PFKP: variants seen among roughly 807,000 people sequenced by gnomAD.
The protein encoded by PFKP is phosphofructokinase, platelet.
In PFKP, 101 loss-of-function variants were observed where a neutral mutation model predicts 94.3. The ratio of observed to expected loss-of-function variants is 1.07; its 90% confidence interval spans 0.91 to 1.26. PFKP has a LOEUF of 1.26. Ranked by LOEUF, PFKP falls within the 50% of genes most tolerant of loss-of-function variation. PFKP has a pLI of 0.00. For synonymous variants in PFKP, 573 were observed against 432.6 expected (o/e 1.32, Z -4.03); for missense variants, 1,145 against 1,103.3 (o/e 1.04, Z -0.53).
intron 1 of PFKP, among the ~76,000 whole-genome samples, chr10:3,068,053 G>A (rs1022847779): frequency 1.3e-5 from 2 of 152,160 alleles, no homozygotes; most frequent in African/African-American, 4.8e-5. Context: ...TGTTTTAAAT[G>A]GAACCTGGCA....
intron 1 of PFKP, 90 bp downstream of exon 1, chr10:3,067,797 A>C: frequency 1.8e-5 from 7 of 394,150 alleles, no homozygotes; most frequent in Non-Finnish European, 2.0e-5. Flanking sequence ...CGGAGAGAAG[A>C]GGGGGGAAGC....
intron 19 of PFKP, among the ~76,000 whole-genome samples, chr10:3,133,871 T>C (rs1838894067): frequency 6.6e-6 from 1 of 150,470 alleles, no homozygotes; most frequent in South Asian, 2.1e-4. Flanking sequence ...GAAATGCTTA[T>C]TCAAATTAAA....
intron 16 of PFKP, among the ~76,000 whole-genome samples, chr10:3,126,052 C>T (rs563971346): frequency 6.6e-6 from 1 of 152,356 alleles, no homozygotes; most frequent in South Asian, 2.1e-4. Flanking sequence ...CTTTACCTTA[C>T]ATCTTGACGT....
At chr10:3,125,430 C>T (rs1378159317) in intron 16 of PFKP, among the ~76,000 whole-genome samples, 1 of 152,182 alleles carries the variant, frequency 6.6e-6, no homozygotes, top group Non-Finnish European at 1.5e-5. Flanking sequence ...TAGGGAGAGC[C>T]TGTCTTTATT....
intron 21 of PFKP, 49 bp from the exon 22 acceptor site, chr10:3,136,401 T>C: frequency 6.2e-7 from 1 of 1,600,176 alleles, no homozygotes; most frequent in Non-Finnish European, 8.6e-7. Flanking sequence ...CGGAGGCATC[T>C]CCCGCCAGTG....
At chr10:3,092,865 G>C (rs1412734764) in intron 2 of PFKP, among the ~76,000 whole-genome samples, 2 of 152,102 alleles carry the variant, frequency 1.3e-5, no homozygotes, top group African/African-American at 4.8e-5. Flanking sequence ...TCCCCTGTCT[G>C]AGGAAAGGGG....
chr10:3,081,830 TATATG>T lies in PFKP; in HGVS notation c.113-555_113-551del, dbSNP rs1361193335. On this transcript the variant is annotated intron_variant, in intron 1 of 21. Transcript: ENST00000381125. The stretch of plus-strand genomic sequence containing the variant: ...CATGATGATACATTGTAAACAGACT[TATATG>T]ATGATACATTGTATAACACTGTTCT... 6.6e-5 allele frequency among the ~76,000 whole-genome samples: 10 copies of T among 152,268 alleles called. 1 individual carries two copies. The South Asian group carries it at 1.9e-3, about 29-fold the overall frequency.
At position 3,113,464 on chromosome 10, in the gene PFKP, C is replaced by T. The variant is rs148946725; in HGVS notation, c.1317C>T (p.Asp439=). 4.3e-5 allele frequency: 70 copies of T among 1,613,060 alleles called. No homozygotes were observed. In the African/African-American group the frequency reaches 4.8e-4, roughly 11 times the overall value. Residue 439 remains aspartate, a synonymous_variant, in exon 13 of 22, where the codon GAC becomes GAT. Coordinates refer to ENST00000381125, the MANE Select transcript of PFKP (RefSeq NM_002627.5). The part of the protein sequence containing the change: ...VRSAVRVGIA[D]GHRMLAIYDG... ...CAGCTGTGCGCGTGGGCATTGCCGA[C>T]GGCCACAGGATGCTCGCCATCTATG...
chr10:3,091,221 T>A (rs1017052831), intron 2 of PFKP, among the ~76,000 whole-genome samples: 1 of 152,200 alleles, frequency 6.6e-6, no homozygotes, highest in Non-Finnish European at 1.5e-5. Flanking sequence ...CTTTTTTCTC[T>A]TAAGCTAAGG....
chr10:3,113,525 C>A lies in PFKP; in HGVS notation c.1371+7C>A, dbSNP rs372963019. The A allele has an allele frequency of 1.9e-6, 3 of 1,611,102 alleles. No homozygotes were observed. In the African/African-American group the frequency reaches 4.0e-5, roughly 22 times the overall value. ...CGGCTTCGCCAAGGGCCAGGTGAGT[C>A]ACCCAGGATGCCGTAGGCAGGCAGA... On this transcript the variant is annotated splice_region_variant and intron_variant, in intron 13 of 21. Coordinates refer to ENST00000381125, the MANE Select transcript of PFKP (RefSeq NM_002627.5).
At chr10:3,120,907 G>C (rs1472334571) in intron 16 of PFKP, among the ~76,000 whole-genome samples, 2 of 151,944 alleles carry the variant, frequency 1.3e-5, no homozygotes, top group Admixed American at 6.6e-5. Flanking sequence ...ACCTAACACA[G>C]AAAGCATTTC....
At chr10:3,093,976 G>T (rs1156895465) in intron 2 of PFKP, among the ~76,000 whole-genome samples, 3 of 152,216 alleles carry the variant, frequency 2.0e-5, no homozygotes, top group Non-Finnish European at 4.4e-5. Context: ...TTATATGCCA[G>T]CCAGGTCCCA....
chr10:3,069,268 C>T (rs1832000753), intron 1 of PFKP: 1 of 1,481,662 alleles, frequency 6.7e-7, no homozygotes, highest in East Asian at 2.6e-5. Flanking sequence ...AACGTTCTTC[C>T]TGCAGGGCTG....
chr10:3,098,688 A>AAAAAAAAAAAAG (rs1313571952), intron 2 of PFKP, among the ~76,000 whole-genome samples: 253 of 151,734 alleles, frequency 1.7e-3, no homozygotes, highest in South Asian at 5.2e-3. Context: ...AAAAAAAAAA[A>AAAAAAAAAAAAG]AAGGTAATTG....
At chr10:3,116,438 C>A (rs61835148) in intron 13 of PFKP, among the ~76,000 whole-genome samples, 1 of 152,206 alleles carries the variant, frequency 6.6e-6, no homozygotes, top group South Asian at 2.1e-4. Context: ...TTCCCTTAAT[C>A]TTTTACCAAC....
rs1009606612 is a variant in PFKP at position 3,124,555 on chromosome 10, G to A, written c.1683+4511G>A. On this transcript the variant is annotated intron_variant, in intron 16 of 21. Transcript: ENST00000381125. ...TCCGCCCGGAGAGCAGAGATGTGGC[G>A]TGGGGCTGAGTGTGGCCCACCGGTA... Among the ~76,000 whole-genome samples, 6 of 152,312 alleles carry A rather than the reference G, an allele frequency of 3.9e-5. No homozygotes were observed. The South Asian group carries it at 6.2e-4, about 16-fold the overall frequency.
At chr10:3,094,289 T>G (rs1336916195) in intron 2 of PFKP, among the ~76,000 whole-genome samples, 17 of 152,200 alleles carry the variant, frequency 1.1e-4, no homozygotes, top group Admixed American at 1.1e-3. Context: ...AGCTTTGGCT[T>G]AAAGAAATCT....
At chr10:3,089,447 C>G (rs1458988108) in intron 2 of PFKP, among the ~76,000 whole-genome samples, 2 of 152,006 alleles carry the variant, frequency 1.3e-5, no homozygotes, top group South Asian at 2.1e-4. Context: ...GATTCCCTTT[C>G]TCGGGGTATA....
chr10:3,093,475 C>A (rs1313136926), intron 2 of PFKP, among the ~76,000 whole-genome samples: 1 of 152,134 alleles, frequency 6.6e-6, no homozygotes, highest in Non-Finnish European at 1.5e-5. Context: ...TACCAGAGCC[C>A]ATGCCTTCCA....
Sources: gnomAD v4.1 joint callset for allele counts (sites outside exome capture counted in the v4.1 genomes callset) on GRCh38, gnomAD v4.1.1 for gene constraint, MANE v1.5 for transcripts, NCBI Gene and HGNC (gene_info 2026-07-23, HGNC 2026-07-21) for gene names.